Variants in OBP2B observed in about 807,000 individuals in gnomAD.
The protein encoded by OBP2B is odorant-binding protein 2b.
OBP2B carries 10 observed loss-of-function variants against 21.7 expected under a neutral mutation model. The ratio of observed to expected loss-of-function variants is 0.46; its 90% CI spans 0.28 to 0.78. The LOEUF is 0.78. Ranked by LOEUF, OBP2B falls within the 30% of genes least tolerant of loss-of-function variation. The pLI is 0.11. For synonymous variants in OBP2B, 73 were observed against 91.5 expected, an observed-to-expected ratio of 0.80 and a Z score of 1.16; for missense variants, 153 against 217.7, an observed-to-expected ratio of 0.70 and a Z score of 1.87.
the OBP2B span, among the ~76,000 whole-genome samples, chr9:133,216,831 G>A: frequency 6.6e-6 from 1 of 152,172 alleles, no homozygotes; most frequent in African/African-American, 2.4e-5. Context: ...GTGGAGAACA[G>A]GTCTGTCATT....
In OBP2B at chr9:133,207,287, G is replaced by A. The variant is rs200695732; in HGVS notation, c.327C>T (p.His109=). The A allele has an allele frequency of 1.5e-4, 240 of 1,613,928 alleles. 4 individuals are homozygous for A. The South Asian group carries it at 2.5e-3, about 17-fold the overall frequency. The change falls in exon 4 of 7, where the codon CAC becomes CAT. Residue 109 remains histidine, a synonymous_variant. Transcript: ENST00000372034. ...GCTGGTCTTTGCAGTAAAAGATGTAGTGGTCCCTCCTGGGCAGCTCCTGCA... is the reference window on the plus strand; with the variant it reads ...GCTGGTCTTTGCAGTAAAAGATGTAATGGTCCCTCCTGGGCAGCTCCTGCA... ...MYLQELPRRD[H]YIFYCKDQHH...
At chr9:133,208,640 C>T in intron 1 of OBP2B, 38 bp from the exon 2 acceptor site, 4 of 1,558,396 alleles carry the variant, frequency 2.6e-6, no homozygotes, top group South Asian at 1.2e-5. Context: ...CCATGGGTGG[C>T]CCAGATTCTA....
chr9:133,210,203 C>T (rs147835084), upstream of OBP2B, among the ~76,000 whole-genome samples: 1,209 of 152,158 alleles, frequency 7.9e-3, 15 homozygotes, highest in African/African-American at 0.028. Flanking sequence ...TTCTCCCTCC[C>T]GGACCCTGCA....
chr9:133,211,260 G>A (rs1252757937), upstream of OBP2B, among the ~76,000 whole-genome samples: 2 of 152,240 alleles, frequency 1.3e-5, no homozygotes, highest in African/African-American at 4.8e-5. Flanking sequence ...AAGACCAACT[G>A]CACAGTAGGG....
upstream of OBP2B, among the ~76,000 whole-genome samples, chr9:133,209,869 C>T (rs781799900): frequency 1.3e-5 from 2 of 152,174 alleles, no homozygotes; most frequent in Non-Finnish European, 2.9e-5. This position sits in a 1 kb window ranked among gnomAD's most constrained non-coding sequence, Gnocchi z 6.0. Context: ...GGGACCCCGC[C>T]GCCTCCCCGA....
intron 2 of OBP2B, 89 bp downstream of exon 2, chr9:133,208,380 C>T: frequency 6.2e-7 from 1 of 1,601,212 alleles, no homozygotes; most frequent in South Asian, 1.1e-5. Flanking sequence ...TTCCCAACAC[C>T]CGAAACGTGG....
the OBP2B span, among the ~76,000 whole-genome samples, chr9:133,216,753 A>T: frequency 2.0e-5 from 3 of 152,142 alleles, no homozygotes; most frequent in African/African-American, 4.8e-5. Flanking sequence ...GCACAGGAAA[A>T]AAAAAAGCCA....
chr9:133,207,672 C>G (rs1276186355), intron 3 of OBP2B, among the ~76,000 whole-genome samples: 4 of 139,948 alleles, frequency 2.9e-5, no homozygotes, highest in Non-Finnish European at 6.0e-5. Flanking sequence ...AGCACTAACC[C>G]TCGGCCTCCC....
At chr9:133,206,131 C>A (rs1332003369) in intron 5 of OBP2B, among the ~76,000 whole-genome samples, 184 bp downstream of exon 5, 1 of 151,918 alleles carries the variant, frequency 6.6e-6, no homozygotes, top group Admixed American at 6.6e-5. Flanking sequence ...CAGACCCCAT[C>A]GCAGCCCAGA....
chr9:133,214,630 C>T, the OBP2B span, among the ~76,000 whole-genome samples: 2 of 152,216 alleles, frequency 1.3e-5, no homozygotes, highest in African/African-American at 4.8e-5. Flanking sequence ...AGCTGGGTCT[C>T]TCTGCCTGGT....
chr9:133,214,808 G>T, the OBP2B span, among the ~76,000 whole-genome samples: 1 of 152,254 alleles, frequency 6.6e-6, no homozygotes, highest in African/African-American at 2.4e-5. Context: ...TTGAGGCTGG[G>T]ATACTCAGTT....
the OBP2B span, among the ~76,000 whole-genome samples, chr9:133,222,835 C>T: frequency 1.3e-5 from 2 of 151,812 alleles, no homozygotes; most frequent in African/African-American, 2.4e-5. Context: ...GGACAGAGTC[C>T]TCCTTCCATA....
chr9:133,221,149 G>A, the OBP2B span, among the ~76,000 whole-genome samples: 12 of 152,188 alleles, frequency 7.9e-5, no homozygotes, highest in Middle Eastern at 3.2e-3. Flanking sequence ...AAATGAAAGC[G>A]TTCTAAGACC....
chr9:133,211,297 A>C (rs782200947), upstream of OBP2B, among the ~76,000 whole-genome samples: 3 of 152,214 alleles, frequency 2.0e-5, no homozygotes, highest in Non-Finnish European at 4.4e-5. Context: ...CCAACCACCT[A>C]TTTTAATTAT....
upstream of OBP2B, among the ~76,000 whole-genome samples, chr9:133,209,490 C>T (rs1436924548): frequency 2.6e-5 from 4 of 151,988 alleles, no homozygotes; most frequent in East Asian, 1.9e-4. This position sits in a 1 kb window ranked among gnomAD's most constrained non-coding sequence, Gnocchi z 6.0. Context: ...CCAGAGGACT[C>T]GAGAGGACAG....
At position 133,208,468 on chromosome 9, in the gene OBP2B, C is replaced by T. The variant is rs1833816836; in HGVS notation, c.206+1G>A. On this transcript the variant is annotated splice_donor_variant, in intron 2 of 6. Coordinates refer to ENST00000372034, the MANE Select transcript of OBP2B (RefSeq NM_014581.4). LOFTEE classifies it high-confidence loss of function. ...GGGGCCCTGCAGTGGGCAACACTCA[C>T]ATGAAGGTGAACGTGGCTTCCAACT... 1.2e-6 allele frequency: 2 copies of T among 1,613,382 alleles called. No individual in the cohort carries two copies. Among genetic ancestry groups the T allele is most frequent in the South Asian group, 1.1e-5 (1 of 91,010 alleles).
At chr9:133,209,985 C>T (rs568526131), upstream of OBP2B, among the ~76,000 whole-genome samples, 1 of 152,324 alleles carries the variant, frequency 6.6e-6, no homozygotes, top group Admixed American at 6.5e-5. This position sits in a 1 kb window ranked among gnomAD's most constrained non-coding sequence, Gnocchi z 6.0. Flanking sequence ...CGACCATCTC[C>T]CTGTTAGAAT....
chr9:133,213,103 G>A (rs1193679983), upstream of OBP2B, among the ~76,000 whole-genome samples: 1 of 151,982 alleles, frequency 6.6e-6, no homozygotes, highest in Non-Finnish European at 1.5e-5. Flanking sequence ...TGCTGGGCAT[G>A]GTGGCGTATA....
chr9:133,218,328 G>A, the OBP2B span, among the ~76,000 whole-genome samples: 1 of 152,194 alleles, frequency 6.6e-6, no homozygotes. Context: ...CTGCCATGTA[G>A]GGATTAAGGA....
Sources: allele counts gnomAD v4.1 joint callset (sites outside exome capture counted in the v4.1 genomes callset), GRCh38; gene constraint gnomAD v4.1.1; non-coding constraint Gnocchi (gnomAD v3.1); transcripts MANE v1.5; gene names NCBI Gene and HGNC (gene_info 2026-07-23, HGNC 2026-07-21).